CFAP299: variants seen among roughly 807,000 people sequenced by gnomAD.
The protein encoded by CFAP299 is cilia- and flagella-associated protein 299.
A neutral mutation model predicts 27.0 loss-of-function variants in CFAP299; 21 were observed. The ratio of observed to expected loss-of-function variants is 0.78; its 90% CI spans 0.55 to 1.12. CFAP299 has a LOEUF of 1.12. Among genes scored for constraint, CFAP299 ranks in the 50% most tolerant of loss-of-function variants. CFAP299 has a pLI of 0.00. For synonymous variants in CFAP299, 104 were observed against 98.1 expected (o/e 1.06, Z -0.36); for missense variants, 310 against 276.6 (o/e 1.12, Z -0.86).
intron 3 of CFAP299, among the ~76,000 whole-genome samples, chr4:80,862,934 A>C (rs1432653319): frequency 6.6e-6 from 1 of 152,202 alleles, no homozygotes; most frequent in Non-Finnish European, 1.5e-5. Flanking sequence ...GTTAGAAAAC[A>C]ATAGTTGATT....
At chr4:80,715,985 A>G (rs1722456486) in intron 3 of CFAP299, among the ~76,000 whole-genome samples, 1 of 152,096 alleles carries the variant, frequency 6.6e-6, no homozygotes, top group Non-Finnish European at 1.5e-5. Context: ...TTTTTCTGGG[A>G]ATCCAATTTG....
chr4:80,694,640 C>T (rs1720975277), intron 3 of CFAP299, among the ~76,000 whole-genome samples: 1 of 152,118 alleles, frequency 6.6e-6, no homozygotes, highest in Non-Finnish European at 1.5e-5. Context: ...TGAATTCTAA[C>T]TTGGTAATAG....
intron 2 of CFAP299, among the ~76,000 whole-genome samples, chr4:80,549,491 A>G (rs1357885842): frequency 6.6e-6 from 1 of 152,208 alleles, no homozygotes; most frequent in Non-Finnish European, 1.5e-5. Flanking sequence ...CTCTGAAAAG[A>G]CAAGAGTGAT....
At chr4:80,531,292 A>T (rs1312485995) in intron 2 of CFAP299, among the ~76,000 whole-genome samples, 9 of 152,120 alleles carry the variant, frequency 5.9e-5, no homozygotes, top group Admixed American at 2.0e-4. Flanking sequence ...TTTTGCCTTT[A>T]TACTTCTGGC....
intron 3 of CFAP299, among the ~76,000 whole-genome samples, chr4:80,641,469 C>T (rs991954894): frequency 3.3e-5 from 5 of 152,308 alleles, no homozygotes; most frequent in Non-Finnish European, 7.3e-5. Flanking sequence ...TCCCAAAGTG[C>T]TGGGATTACA....
At chr4:80,573,844 C>G (rs895304014) in intron 2 of CFAP299, among the ~76,000 whole-genome samples, 1 of 152,062 alleles carries the variant, frequency 6.6e-6, no homozygotes, top group African/African-American at 2.4e-5. Context: ...CAGTACCATG[C>G]TGTTTCAGTT....
chr4:80,384,292 T>C (rs1724857201), intron 2 of CFAP299, among the ~76,000 whole-genome samples: 1 of 152,166 alleles, frequency 6.6e-6, no homozygotes, highest in Admixed American at 6.5e-5. Flanking sequence ...TAGGGACATA[T>C]ATTTTTATTT....
At chr4:80,693,742 G>A (rs1365238861) in intron 3 of CFAP299, among the ~76,000 whole-genome samples, 1 of 151,488 alleles carries the variant, frequency 6.6e-6, no homozygotes, top group Non-Finnish European at 1.5e-5. Context: ...GCAGTACTGA[G>A]TGATCTAAGC....
chr4:80,797,199 A>G (rs938762976), intron 3 of CFAP299, among the ~76,000 whole-genome samples: 11 of 152,162 alleles, frequency 7.2e-5, no homozygotes, highest in African/African-American at 2.7e-4. Context: ...CCCTTGGGGA[A>G]GGATGGGAGA....
At chr4:80,523,432 C>A (rs1733018671) in intron 2 of CFAP299, among the ~76,000 whole-genome samples, 6 of 151,992 alleles carry the variant, frequency 3.9e-5, no homozygotes. Context: ...GATTTAATTT[C>A]CCAGTTGTGA....
At position 80,467,693 on chromosome 4, in the gene CFAP299, T is replaced by C. The variant is rs1435996716; in HGVS notation, c.242+104809T>C. Among the ~76,000 whole-genome samples the C allele has an allele frequency of 3.9e-5, 6 of 152,198 alleles. No homozygotes were observed. In the East Asian group the frequency reaches 1.2e-3, roughly 29 times the overall value. On this transcript the variant is annotated intron_variant, in intron 2 of 5. Coordinates refer to ENST00000358105, the MANE Select transcript of CFAP299 (RefSeq NM_152770.3). The stretch of plus-strand genomic sequence containing the variant: ...CATGCTAAGTGCTATGATACAGGTG[T>C]GGATGTGTTAGTTCATTTTCACACT...
chr4:80,663,251 A>G (rs968809516), intron 3 of CFAP299, among the ~76,000 whole-genome samples: 2 of 152,108 alleles, frequency 1.3e-5, no homozygotes, highest in Admixed American at 6.5e-5. Context: ...CATCATCTAC[A>G]TTAGGTATTT....
intron 2 of CFAP299, among the ~76,000 whole-genome samples, chr4:80,556,515 G>A (rs954011309): frequency 6.6e-6 from 1 of 151,798 alleles, no homozygotes; most frequent in African/African-American, 2.4e-5. Flanking sequence ...AAATATAACC[G>A]AAAGGAAGCT....
chr4:80,758,095 A>G (rs561310042), intron 3 of CFAP299, among the ~76,000 whole-genome samples: 1 of 152,256 alleles, frequency 6.6e-6, no homozygotes, highest in East Asian at 1.9e-4. Context: ...TTAAGTGTTA[A>G]CAGCTCAGTG....
intron 3 of CFAP299, chr4:80,649,193 C>G (rs1740172429): frequency 6.6e-6 from 1 of 152,122 alleles, no homozygotes; most frequent in African/African-American, 2.4e-5. Flanking sequence ...GAGAAGGGAG[C>G]TACCTGAAGT....
chr4:80,492,032 A>T (rs1731161302), intron 2 of CFAP299, among the ~76,000 whole-genome samples: 1 of 152,182 alleles, frequency 6.6e-6, no homozygotes, highest in South Asian at 2.1e-4. Context: ...ATCTTATTTT[A>T]CCTTAATCTT....
intron 5 of CFAP299, among the ~76,000 whole-genome samples, chr4:80,948,274 A>T (rs1382470083): frequency 6.6e-6 from 1 of 152,182 alleles, no homozygotes; most frequent in Non-Finnish European, 1.5e-5. Flanking sequence ...TGCAGGTCTT[A>T]CAACAAGTAA....
At chr4:80,819,016 C>T (rs1250216822) in intron 3 of CFAP299, among the ~76,000 whole-genome samples, 1 of 152,024 alleles carries the variant, frequency 6.6e-6, no homozygotes, top group African/African-American at 2.4e-5. Context: ...GATTGATGGA[C>T]ATATGCAATG....
At chr4:80,431,971 C>T (rs1161330324) in intron 2 of CFAP299, among the ~76,000 whole-genome samples, 1 of 152,124 alleles carries the variant, frequency 6.6e-6, no homozygotes, top group Non-Finnish European at 1.5e-5. Context: ...ATTGTCAGCT[C>T]TATAAGGATA....
Sources: allele counts gnomAD v4.1 joint callset (sites outside exome capture counted in the v4.1 genomes callset), GRCh38; gene constraint gnomAD v4.1.1; transcripts MANE v1.5; gene names NCBI Gene and HGNC (gene_info 2026-07-23, HGNC 2026-07-21).